Variants in HMCN1 observed in about 807,000 individuals in gnomAD.
The protein encoded by HMCN1 is hemicentin 1.
In HMCN1, 321 loss-of-function variants were observed where a neutral mutation model predicts 625.9. The ratio of observed to expected loss-of-function variants is 0.51; its 90% confidence interval spans 0.47 to 0.56. The LOEUF is 0.56. Ranked by LOEUF, HMCN1 falls within the 20% of genes least tolerant of loss-of-function variation. HMCN1 has a pLI of 0.00. For synonymous variants in HMCN1, 2,425 were observed against 2,417.6 expected, an observed-to-expected ratio of 1.00 and a Z score of -0.09; for missense variants, 6,588 against 6,887.3, an observed-to-expected ratio of 0.96 and a Z score of 1.54.
Position 185,925,169 on chromosome 1 carries a change from C to T in HMCN1, c.1408C>T (p.Leu470Phe), listed in dbSNP as rs747920607. 26 of 1,613,694 alleles carry T rather than the reference C, an allele frequency of 1.6e-5. No homozygotes were observed. Among genetic ancestry groups the T allele is most frequent in the Non-Finnish European group, 2.0e-5 (24 of 1,179,750 alleles). ...TLSFVRNGVT[L>F]GVDQYLKESA... The stretch of plus-strand genomic sequence containing the variant: ...GAGCTTTGTCAGAAATGGAGTTACA[C>T]TTGGAGTAGACCAGTATTTGAAGTA... Residue 470 changes from leucine to phenylalanine, a missense_variant, in exon 9 of 107, where the codon CTT becomes TTT. By Grantham distance (22) the Leu-to-Phe change is conservative. This residue lies in a region of HMCN1 where 4,628 missense variants were observed against 4,853.1 expected (regional missense o/e 0.95). Coordinates refer to ENST00000271588, the MANE Select transcript of HMCN1 (RefSeq NM_031935.3).
rs769463626 is a variant in HMCN1 at position 186,166,912 on chromosome 1, C to T, written c.15544C>T (p.Arg5182Ter). Residue 5182 changes from arginine (R) to a stop codon, truncating the protein, a stop_gained, in exon 100 of 107, where the codon CGA (arginine) becomes TGA (stop). Transcript: ENST00000271588. LOFTEE classifies it high-confidence loss of function. The part of the protein sequence containing the change: ...RCVVRCGSGF[R>*]RTSDGLSCQD... The stretch of plus-strand genomic sequence containing the variant: ...TGTGGTCCGTTGTGGAAGTGGCTTT[C>T]GAAGAACCTCTGATGGGCTGAGTTG... 14 of 1,613,940 alleles carry T rather than the reference C, an allele frequency of 8.7e-6. No individual in the cohort carries two copies. Among genetic ancestry groups the T allele is most frequent in the African/African-American group, 1.3e-5 (1 of 74,884 alleles).
At chr1:186,038,684 A>G in intron 37 of HMCN1, 145 bp from the exon 38 acceptor site, 1 of 620,202 alleles carries the variant, frequency 1.6e-6, no homozygotes, top group Non-Finnish European at 2.9e-6. Context: ...CTTAAAAATC[A>G]AAGCTAAAGA....
At chr1:186,090,481 A>G (rs192729629) in intron 63 of HMCN1, among the ~76,000 whole-genome samples, 2 of 152,084 alleles carry the variant, frequency 1.3e-5, no homozygotes, top group Admixed American at 6.6e-5. Flanking sequence ...TTAATCTAAG[A>G]GTAATTTAAT....
At chr1:186,107,029 A>C in intron 70 of HMCN1, 64 bp downstream of exon 70, 1 of 905,232 alleles carries the variant, frequency 1.1e-6, no homozygotes, top group South Asian at 1.3e-5. Context: ...CCCTGGGACA[A>C]CACCACAGCA....
At chr1:185,969,355 A>G (rs1419049526) in intron 14 of HMCN1, among the ~76,000 whole-genome samples, 2 of 152,048 alleles carry the variant, frequency 1.3e-5, no homozygotes, top group African/African-American at 4.8e-5. Context: ...TGCTGATGTA[A>G]TTTTTTTCTC....
In HMCN1 at chr1:185,876,732, C is replaced by A. The variant is rs532347522; in HGVS notation, c.621+10869C>A. 1.6e-4 allele frequency among the ~76,000 whole-genome samples: 24 copies of A among 151,932 alleles called. No homozygotes were observed. In the South Asian group the frequency reaches 4.8e-3, roughly 30 times the overall value. ...TCTTTGGAGAACTATCTGTTCATAT[C>A]CTTTGTCCACATTTTAATGTGCCCA... On this transcript the variant is annotated intron_variant, in intron 4 of 106. Transcript: ENST00000271588.
chr1:185,890,409 T>A (rs1664986614), intron 4 of HMCN1, among the ~76,000 whole-genome samples: 1 of 147,370 alleles, frequency 6.8e-6, no homozygotes, highest in Non-Finnish European at 1.5e-5. Flanking sequence ...TGTTAGGGTG[T>A]CAATTTTGGA....
At chr1:186,136,996 G>A in intron 87 of HMCN1, 59 bp downstream of exon 87, 1 of 1,587,690 alleles carries the variant, frequency 6.3e-7, no homozygotes, top group Non-Finnish European at 8.6e-7. Context: ...TCAAATCATG[G>A]AAATTATTAA....
At chr1:186,024,004 A>G (rs967763274) in intron 36 of HMCN1, among the ~76,000 whole-genome samples, 3 of 152,106 alleles carry the variant, frequency 2.0e-5, no homozygotes, top group African/African-American at 7.2e-5. Flanking sequence ...TTCTTCGTAC[A>G]TTTTCTTCCA....
chr1:186,045,792 T>C lies in HMCN1; in HGVS notation c.6409T>C (p.Trp2137Arg). 4.3e-6 allele frequency: 7 copies of C among 1,613,080 alleles called. No individual in the cohort carries two copies. Among genetic ancestry groups the C allele is most frequent in the Non-Finnish European group, 5.9e-6 (7 of 1,179,232 alleles). The change falls in exon 41 of 107, where the codon TGG (tryptophan) becomes CGG (arginine). Residue 2137 changes from tryptophan to arginine, a missense_variant. Coordinates refer to ENST00000271588, the MANE Select transcript of HMCN1 (RefSeq NM_031935.3). ...SDAIPPPTLTWLKDGHPLLKK... is the reference protein window; with the variant it reads ...SDAIPPPTLTRLKDGHPLLKK... The stretch of plus-strand genomic sequence containing the variant: ...TGCTATTCCCCCACCTACTCTTACT[T>C]GGTTAAAAGACGGCCACCCCTTGCT...
At chr1:185,847,794 A>G (rs1661917214) in intron 2 of HMCN1, among the ~76,000 whole-genome samples, 1 of 151,358 alleles carries the variant, frequency 6.6e-6, no homozygotes, top group Non-Finnish European at 1.5e-5. Context: ...TCTAAAAGAG[A>G]AAAAAAAATT....
At chr1:186,032,381 A>G (rs1258467098) in intron 36 of HMCN1, among the ~76,000 whole-genome samples, 1 of 152,142 alleles carries the variant, frequency 6.6e-6, no homozygotes, top group African/African-American at 2.4e-5. Context: ...CTCCTGCAAG[A>G]GTGGCTGATA....
At chr1:185,915,471 A>G (rs1225860595) in intron 6 of HMCN1, among the ~76,000 whole-genome samples, 1 of 152,062 alleles carries the variant, frequency 6.6e-6, no homozygotes, top group African/African-American at 2.4e-5. Flanking sequence ...ACAAATGTTT[A>G]TATTAGTCTA....
Position 185,990,325 on chromosome 1 carries a change from G to T in HMCN1, c.3259G>T (p.Val1087Phe), listed in dbSNP as rs772429407. 1.2e-6 allele frequency: 2 copies of T among 1,613,990 alleles called. No individual in the cohort carries two copies. The highest frequency in any genetic ancestry group is 1.7e-6 in the Non-Finnish European group (2 of 1,179,836). ...DQRGLSQDKP[V>F]EISVLAGEEV... ...ACGAGGACTGTCCCAGGATAAGCCT[G>T]TTGAGATCTCCGTCCTTGCAGGGGA... Residue 1087 changes from valine to phenylalanine, a missense_variant, in exon 22 of 107, where the codon GTT (valine) becomes TTT (phenylalanine). Transcript: ENST00000271588.
At chr1:186,144,476 T>G in intron 90 of HMCN1, 57 bp from the exon 91 acceptor site, 1 of 1,612,438 alleles carries the variant, frequency 6.2e-7, no homozygotes, top group Admixed American at 1.7e-5. Context: ...ATGCCCAGAG[T>G]GTAACACGAT....
At chr1:185,886,550 C>T (rs556201311) in intron 4 of HMCN1, among the ~76,000 whole-genome samples, 3 of 150,874 alleles carry the variant, frequency 2.0e-5, no homozygotes, top group Non-Finnish European at 4.4e-5. Flanking sequence ...CAGATTTTCT[C>T]ATCTTAAATC....
At chr1:185,768,681 C>T (rs975893476) in intron 1 of HMCN1, among the ~76,000 whole-genome samples, 1 of 152,196 alleles carries the variant, frequency 6.6e-6, no homozygotes, top group African/African-American at 2.4e-5. Context: ...TGTGGCGGCT[C>T]ACGCCTGTGA....
intron 22 of HMCN1, among the ~76,000 whole-genome samples, chr1:185,992,262 A>T (rs1000078409): frequency 2.0e-5 from 3 of 152,126 alleles, no homozygotes; most frequent in African/African-American, 7.2e-5. Flanking sequence ...AGAAGGTTTC[A>T]GTTTTTAAGG....
intron 1 of HMCN1, among the ~76,000 whole-genome samples, chr1:185,736,184 ACT>A (rs1294979169): frequency 1.3e-5 from 2 of 151,984 alleles, no homozygotes; most frequent in African/African-American, 4.8e-5. Flanking sequence ...GATATATAGA[ACT>A]CTCGGATTTT....
Sources: gnomAD v4.1 joint callset for allele counts (sites outside exome capture counted in the v4.1 genomes callset) on GRCh38, gnomAD v4.1.1 for gene constraint, gnomAD v4.1.1 regional missense constraint, MANE v1.5 for transcripts, NCBI Gene and HGNC (gene_info 2026-07-23, HGNC 2026-07-21) for gene names.